Variants in FHDC1 observed in about 807,000 individuals in gnomAD.
FHDC1 encodes FH2 domain containing 1, also known as FH2 domain-containing protein 1.
Under a neutral mutation model 52.6 loss-of-function variants are expected in FHDC1, and 25 were observed. The ratio of observed to expected loss-of-function variants is 0.48; its 90% CI spans 0.35 to 0.66. FHDC1 has a LOEUF of 0.66. Ranked by LOEUF, FHDC1 falls within the 30% of genes least tolerant of loss-of-function variation. FHDC1 has a pLI of 0.01. For synonymous variants in FHDC1, 616 were observed against 581.5 expected (o/e 1.06, Z -0.85); for missense variants, 1,459 against 1,452.8 (o/e 1.00, Z -0.07).
chr4:152,959,865 G>A (rs1740219886), intron 4 of FHDC1, among the ~76,000 whole-genome samples: 1 of 152,114 alleles, frequency 6.6e-6, no homozygotes, highest in Non-Finnish European at 1.5e-5. Flanking sequence ...CTGGAACCCC[G>A]CTTTTCCAGA....
intron 2 of FHDC1, among the ~76,000 whole-genome samples, chr4:152,945,661 T>G (rs1010483450): frequency 1.3e-5 from 2 of 152,192 alleles, no homozygotes; most frequent in Non-Finnish European, 2.9e-5. Context: ...TTCACCATTT[T>G]GGCCCGGCTG....
At chr4:152,939,171 C>G (rs1739504650) in intron 1 of FHDC1, among the ~76,000 whole-genome samples, 1 of 152,138 alleles carries the variant, frequency 6.6e-6, no homozygotes, top group Non-Finnish European at 1.5e-5. Flanking sequence ...CCTCCGACTC[C>G]CTGATTCAAG....
At chr4:152,941,290 AT>A (rs1739566790) in intron 1 of FHDC1, among the ~76,000 whole-genome samples, 1 of 152,242 alleles carries the variant, frequency 6.6e-6, no homozygotes, top group Non-Finnish European at 1.5e-5. Context: ...GAATGGAAAT[AT>A]TACAAGTTTG....
chr4:152,955,641 C>T (rs962419866), intron 4 of FHDC1, among the ~76,000 whole-genome samples: 22 of 152,168 alleles, frequency 1.4e-4, no homozygotes, highest in Non-Finnish European at 2.2e-4. Context: ...CATGCCACCA[C>T]GCCCCGCCTA....
chr4:152,961,703 G>A (rs1192292744), intron 6 of FHDC1, among the ~76,000 whole-genome samples: 1 of 152,044 alleles, frequency 6.6e-6, no homozygotes, highest in Non-Finnish European at 1.5e-5. Context: ...TTCCTATTTG[G>A]TTTTCCTGTT....
intron 1 of FHDC1, among the ~76,000 whole-genome samples, chr4:152,937,708 A>C (rs1053670204): frequency 1.3e-5 from 2 of 151,874 alleles, no homozygotes; most frequent in African/African-American, 4.8e-5. Context: ...CGTCGATCTC[A>C]GCGCGCACCG....
the FHDC1 span, among the ~76,000 whole-genome samples, chr4:152,931,028 T>C: frequency 6.8e-6 from 1 of 147,282 alleles, no homozygotes; most frequent in Admixed American, 6.7e-5. Flanking sequence ...CTCTCTCTAA[T>C]ATTGTTGATT....
At chr4:152,938,157 CCT>C (rs1739455860) in intron 1 of FHDC1, among the ~76,000 whole-genome samples, 1 of 151,910 alleles carries the variant, frequency 6.6e-6, no homozygotes, top group Admixed American at 6.5e-5. Flanking sequence ...CGCTCCCTTC[CCT>C]CTCTCTAGAG....
chr4:152,927,032 G>A, the FHDC1 span, among the ~76,000 whole-genome samples: 1 of 152,232 alleles, frequency 6.6e-6, no homozygotes, highest in South Asian at 2.1e-4. Context: ...CATCCTAGAA[G>A]CAGGAAAAAT....
rs1301059890 is a variant in FHDC1, at chr4:152,976,083, C to T, written c.2792C>T (p.Pro931Leu). 1.9e-6 allele frequency: 3 copies of T among 1,605,198 alleles called. No homozygotes were observed. The highest frequency in any genetic ancestry group is 1.1e-5 in the South Asian group (1 of 90,128). ...TCATCCCGGGGGCCCTCCCAGAATC[C>T]CCCCAGCAGCACAGATACTGTGTGG... ...ELSSRGPSQNPPSSTDTVWSR... is the reference protein window; with the variant it reads ...ELSSRGPSQNLPSSTDTVWSR... The change falls in exon 12 of 12, where the codon CCC becomes CTC. Residue 931 changes from proline to leucine, a missense_variant. Physicochemically the swap from Pro to Leu is moderately conservative, Grantham distance 98 (BLOSUM62 -3). Coordinates refer to ENST00000511601, the MANE Select transcript of FHDC1 (RefSeq NM_001371116.1).
In FHDC1 at chr4:152,975,227, C is replaced by G; in HGVS notation, c.1936C>G (p.Arg646Gly). ...RARRQGVSVL[R>G]KRYSEPVSLG... ...TCGGCGCCAGGGCGTCAGTGTCCTC[C>G]GAAAGAGGTACAGTGAGCCGGTGAG... The change falls in exon 12 of 12, where the codon CGA becomes GGA. Residue 646 changes from arginine to glycine, a missense_variant. Physicochemically the swap from Arg to Gly is moderately radical, Grantham distance 125. Transcript: ENST00000511601. 6.2e-7 allele frequency: 1 copy of G among 1,613,320 alleles called. No individual in the cohort carries two copies. The highest frequency in any genetic ancestry group is 8.5e-7 in the Non-Finnish European group (1 of 1,180,014).
At chr4:152,973,041 G>A (rs528895591) in intron 11 of FHDC1, among the ~76,000 whole-genome samples, 2 of 152,104 alleles carry the variant, frequency 1.3e-5, no homozygotes, top group Non-Finnish European at 1.5e-5. Flanking sequence ...TCCCCAGAGC[G>A]GTCTTCCAGA....
At chr4:152,917,540 C>T in the FHDC1 span, among the ~76,000 whole-genome samples, 1 of 151,918 alleles carries the variant, frequency 6.6e-6, no homozygotes, top group Non-Finnish European at 1.5e-5. Flanking sequence ...CAGATAAGAA[C>T]AAAGAAAATA....
chr4:152,960,621 C>T lies in FHDC1; in HGVS notation c.720C>T (p.Ser240=). The change falls in exon 5 of 12, where the codon TCC becomes TCT. Residue 240 remains serine (S), a synonymous_variant. Coordinates refer to ENST00000511601, the MANE Select transcript of FHDC1 (RefSeq NM_001371116.1). Reference sequence around the variant, plus strand: ...TGTCGAAGCTGTCTCTGGCAGATTCCTTTCTGTATGGCTTAATTCAGGTGC... The same window carrying T: ...TGTCGAAGCTGTCTCTGGCAGATTCTTTTCTGTATGGCTTAATTCAGGTGC... ...GDVSKLSLAD[S]FLYGLIQVPN... 6.2e-7 allele frequency: 1 copy of T among 1,614,044 alleles called. No individual in the cohort carries two copies. The highest frequency in any genetic ancestry group is 8.5e-7 in the Non-Finnish European group (1 of 1,180,012).
In FHDC1 at chr4:152,954,198, G is replaced by A; in HGVS notation, c.561-19G>A. On this transcript the variant is annotated intron_variant, in intron 3 of 11. Transcript: ENST00000511601. ...CTCCAGCAAACGTGAAATGGAATGTGATTCATTGTCTTTTCAAGGTCTCCT... is the reference window on the plus strand; with the variant it reads ...CTCCAGCAAACGTGAAATGGAATGTAATTCATTGTCTTTTCAAGGTCTCCT... The A allele has an allele frequency of 6.2e-7, 1 of 1,600,832 alleles. No individual in the cohort carries two copies. The highest frequency in any genetic ancestry group is 8.6e-7 in the Non-Finnish European group (1 of 1,168,358).
intron 1 of FHDC1, among the ~76,000 whole-genome samples, chr4:152,937,787 G>A (rs899047928): frequency 6.6e-6 from 1 of 152,116 alleles, no homozygotes; most frequent in Admixed American, 6.5e-5. Context: ...GGCTCCGCGC[G>A]GCCCGTGGGC....
intron 4 of FHDC1, among the ~76,000 whole-genome samples, chr4:152,958,816 C>T (rs1211644175): frequency 1.3e-5 from 2 of 152,094 alleles, no homozygotes; most frequent in East Asian, 3.8e-4. Flanking sequence ...TGCCATGTGC[C>T]CTTAAATTTA....
At chr4:152,926,484 C>G in the FHDC1 span, among the ~76,000 whole-genome samples, 7 of 151,074 alleles carry the variant, frequency 4.6e-5, no homozygotes, top group South Asian at 4.2e-4. Context: ...GGAACAAAAC[C>G]CAGGCTGATG....
At chr4:152,956,060 G>T (rs1479398829) in intron 4 of FHDC1, among the ~76,000 whole-genome samples, 1 of 152,152 alleles carries the variant, frequency 6.6e-6, no homozygotes, top group East Asian at 1.9e-4. Flanking sequence ...TAAAGGAAGG[G>T]CACATTAAAT....
Sources: allele counts gnomAD v4.1 joint callset (sites outside exome capture counted in the v4.1 genomes callset), GRCh38; gene constraint gnomAD v4.1.1; transcripts MANE v1.5; gene names NCBI Gene and HGNC (gene_info 2026-07-23, HGNC 2026-07-21).